Variants in COL23A1 observed in about 807,000 individuals in gnomAD.
The protein encoded by COL23A1 is collagen type XXIII alpha 1 chain, also known as collagen alpha-1(XXIII) chain.
In COL23A1, 97 loss-of-function variants were observed where a neutral mutation model predicts 99.3. That is an observed-to-expected ratio of 0.98 (90% CI 0.83 to 1.16). COL23A1 has a LOEUF of 1.16. Ranked by LOEUF, COL23A1 falls within the 50% of genes most tolerant of loss-of-function variation. The pLI, the probability that COL23A1 is intolerant of heterozygous loss-of-function variation, is 0.00. For synonymous variants in COL23A1, 320 were observed against 308.2 expected, an observed-to-expected ratio of 1.04 and a Z score of -0.40; for missense variants, 762 against 757.4, an observed-to-expected ratio of 1.01 and a Z score of -0.07.
intron 2 of COL23A1, among the ~76,000 whole-genome samples, chr5:178,357,812 GTGTA>G (rs1272388374): frequency 4.6e-5 from 7 of 151,124 alleles, no homozygotes; most frequent in Non-Finnish European, 7.4e-5. Flanking sequence ...GTGTGTATGT[GTGTA>G]TGTGTGTTTA....
At position 178,281,100 on chromosome 5, in the gene COL23A1, G is replaced by A. The variant is rs867513448; in HGVS notation, c.441+7224C>T. 1.3e-5 allele frequency among the ~76,000 whole-genome samples: 2 copies of A among 152,176 alleles called. No homozygotes were observed. The highest frequency in any genetic ancestry group is 2.1e-4 in the South Asian group (1 of 4,824). ...TCTGCGTGCCATTATCAGGGACTCCGGAGTCGGCTTTCATCCGGTCTCAGC... is the reference window on the plus strand; with the variant it reads ...TCTGCGTGCCATTATCAGGGACTCCAGAGTCGGCTTTCATCCGGTCTCAGC... On this transcript the variant is annotated intron_variant, in intron 5 of 28. Coordinates refer to ENST00000390654, the MANE Select transcript of COL23A1 (RefSeq NM_173465.4). This position sits in a 1 kb window ranked among gnomAD's most constrained non-coding sequence, Gnocchi z 4.0.
Position 178,255,802 on chromosome 5 carries a change from G to A in COL23A1, c.882+551C>T. On this transcript the variant is annotated intron_variant, in intron 15 of 28. Coordinates refer to ENST00000390654, the MANE Select transcript of COL23A1 (RefSeq NM_173465.4). This position sits in a 1 kb window ranked among gnomAD's most constrained non-coding sequence, Gnocchi z 4.2. Reference sequence around the variant, plus strand: ...TCCCCACCACCTGCACAGCCAGGCGGGGGCTCAGATCCATTTTTTTTGGAG... The same window carrying A: ...TCCCCACCACCTGCACAGCCAGGCGAGGGCTCAGATCCATTTTTTTTGGAG... The A allele has an allele frequency of 2.5e-6, 1 of 392,996 alleles. No homozygotes were observed. The highest frequency in any genetic ancestry group is 5.2e-6 in the Non-Finnish European group (1 of 190,502). The allele number at this position is 392,996 out of a possible 1,614,324, so 24.3% of individuals were successfully genotyped here. A position where few individuals can be genotyped will look rare whatever the true frequency, so the allele number is the denominator to read the frequency against.
At position 178,306,912 on chromosome 5, in the gene COL23A1, A is replaced by AG; in HGVS notation, c.368dup (p.Gly124TrpfsTer113). 4 of 1,539,014 alleles carry AG rather than the reference A, an allele frequency of 2.6e-6. No individual in the cohort carries two copies. The highest frequency in any genetic ancestry group is 2.6e-5 in the East Asian group (1 of 38,858). ...TTCTCCCAGGCTTGCCGCGCCGTCC[A>AG]GGGGGCCCTAGACAGGAAAACAAGA... On this transcript the variant is annotated frameshift_variant, in exon 3 of 29. Transcript: ENST00000390654. LOFTEE classifies it high-confidence loss of function. The surrounding 1 kb of genome is among the most constrained non-coding windows in gnomAD (Gnocchi z 4.1).
At chr5:178,359,468 C>T (rs920643199) in intron 2 of COL23A1, among the ~76,000 whole-genome samples, 2 of 152,180 alleles carry the variant, frequency 1.3e-5, no homozygotes, top group African/African-American at 4.8e-5. Context: ...GTGGAGTTTG[C>T]AGTGAGCTGA....
At chr5:178,482,729 C>T (rs549895138) in intron 2 of COL23A1, among the ~76,000 whole-genome samples, 8 of 151,006 alleles carry the variant, frequency 5.3e-5, no homozygotes, top group East Asian at 2.0e-4. Context: ...CCGTTGCTAC[C>T]GTCGCTACTA....
intron 2 of COL23A1, among the ~76,000 whole-genome samples, chr5:178,349,199 T>C (rs79748691): frequency 0.019 from 2,828 of 152,258 alleles, 34 homozygotes; most frequent in Non-Finnish European, 0.031. Context: ...CTTGGATTTT[T>C]TTCCCCCCAA....
At chr5:178,272,335 C>T (rs1340864012) in intron 5 of COL23A1, among the ~76,000 whole-genome samples, 1 of 152,232 alleles carries the variant, frequency 6.6e-6, no homozygotes, top group Non-Finnish European at 1.5e-5. Context: ...GCCCATCTGC[C>T]CATTCCCAGA....
At chr5:178,334,420 C>T (rs937558818) in intron 2 of COL23A1, among the ~76,000 whole-genome samples, 15 of 152,244 alleles carry the variant, frequency 9.9e-5, no homozygotes, top group Non-Finnish European at 1.8e-4. Flanking sequence ...GGCCACCGGG[C>T]GGCACCGGCC....
intron 2 of COL23A1, among the ~76,000 whole-genome samples, chr5:178,414,798 A>G (rs1168388834): frequency 6.6e-6 from 1 of 152,212 alleles, no homozygotes; most frequent in African/African-American, 2.4e-5. Flanking sequence ...CAGGAAAGCA[A>G]GTAGTCCCTG....
intron 1 of COL23A1, among the ~76,000 whole-genome samples, chr5:178,578,409 A>G (rs1763502645): frequency 6.6e-6 from 1 of 152,166 alleles, no homozygotes. Context: ...GTCTGAAAGG[A>G]GGCTGCAGGA....
intron 2 of COL23A1, among the ~76,000 whole-genome samples, chr5:178,448,020 T>C (rs1367295246): frequency 3.9e-5 from 6 of 152,160 alleles, no homozygotes; most frequent in African/African-American, 7.2e-5. Flanking sequence ...AAATTCATAT[T>C]GTTACCCCCA....
chr5:178,578,257 A>T (rs1164855354), intron 1 of COL23A1, among the ~76,000 whole-genome samples: 1 of 152,176 alleles, frequency 6.6e-6, no homozygotes, highest in African/African-American at 2.4e-5. Flanking sequence ...ACACGTGCAC[A>T]CACACCCATG....
At position 178,473,461 on chromosome 5, in the gene COL23A1, A is replaced by AT. The variant is rs58255875; in HGVS notation, c.361+87220dup. ...AGGCATGAGCCACTACATCCGGCTA[A>AT]TTTTTTTTTTTTTTTTTTTTTTTGG... On this transcript the variant is annotated intron_variant, in intron 2 of 28. Coordinates refer to ENST00000390654, the MANE Select transcript of COL23A1 (RefSeq NM_173465.4). 8.9e-3 allele frequency among the ~76,000 whole-genome samples: 843 copies of AT among 95,024 alleles called. 8 individuals carry two copies. The highest frequency in any genetic ancestry group is 0.03 in the African/African-American group (756 of 25,110). 62.3% of individuals were successfully genotyped at this position (95,024 alleles called of 152,430 possible).
chr5:178,569,785 C>T (rs1762998762), intron 1 of COL23A1, among the ~76,000 whole-genome samples: 1 of 152,136 alleles, frequency 6.6e-6, no homozygotes. Flanking sequence ...TGGCTGGGTA[C>T]TCTCAGTTCC....
chr5:178,282,281 TAA>T (rs1339932260), intron 5 of COL23A1, among the ~76,000 whole-genome samples: 5 of 152,222 alleles, frequency 3.3e-5, no homozygotes, highest in Admixed American at 1.3e-4. Flanking sequence ...CTTTTAAGTT[TAA>T]GTTAGACTTA....
intron 2 of COL23A1, among the ~76,000 whole-genome samples, chr5:178,551,958 T>C (rs1762024361): frequency 6.6e-6 from 1 of 152,136 alleles, no homozygotes; most frequent in South Asian, 2.1e-4. Flanking sequence ...TTCCCACCGG[T>C]GCTCGGAGCT....
chr5:178,242,042 C>G lies in COL23A1; in HGVS notation c.1581G>C (p.Val527=). 6.4e-7 allele frequency: 1 copy of G among 1,553,644 alleles called. No homozygotes were observed. The highest frequency in any genetic ancestry group is 2.4e-5 in the East Asian group (1 of 41,230). Reference sequence around the variant, plus strand: ...GGCAGGGCCCTCCTCCGACACCTACCACGGGACACGGCTGGTCCAGGCCTG... The same window carrying G: ...GGCAGGGCCCTCCTCCGACACCTACGACGGGACACGGCTGGTCCAGGCCTG... The part of the protein sequence containing the change: ...GPPGLDQPCP[V]GPDGLPVPGC... The change falls in exon 27 of 29, where the codon GTG becomes GTC. Residue 527 remains valine (V), a splice_region_variant and synonymous_variant. Transcript: ENST00000390654.
Position 178,349,120 on chromosome 5 carries a change from C to T in COL23A1, c.362-42201G>A, listed in dbSNP as rs1045232436. Among the ~76,000 whole-genome samples the T allele has an allele frequency of 1.4e-4, 22 of 152,298 alleles. No homozygotes were observed. The East Asian group carries it at 3.7e-3, about 25-fold the overall frequency. On this transcript the variant is annotated intron_variant, in intron 2 of 28. Transcript: ENST00000390654. ...CCAAATTCTCAGCACAGCGAGAACT[C>T]GGATGATTGATGCGGAGAAAAACAT...
chr5:178,460,209 C>T (rs1460786235), intron 2 of COL23A1, among the ~76,000 whole-genome samples: 4 of 152,164 alleles, frequency 2.6e-5, no homozygotes, highest in Non-Finnish European at 5.9e-5. Flanking sequence ...GCAGAACCCC[C>T]AGATTTTATC....
Sources: gnomAD v4.1 joint callset for allele counts (sites outside exome capture counted in the v4.1 genomes callset) on GRCh38, gnomAD v4.1.1 for gene constraint, Gnocchi (gnomAD v3.1) non-coding constraint, MANE v1.5 for transcripts, NCBI Gene and HGNC (gene_info 2026-07-23, HGNC 2026-07-21) for gene names.